The following ZNF778 variants were observed in gnomAD, a reference collection of about 807,000 sequenced individuals.
ZNF778 encodes zinc finger protein 778.
In ZNF778, 37 loss-of-function variants were observed where a neutral mutation model predicts 23.9. The ratio of observed to expected loss-of-function variants is 1.54; its 90% CI spans 1.19 to 2.03. The LOEUF (loss-of-function observed/expected upper bound fraction) is 2.03, where lower values mean the gene tolerates loss of function less well. Among genes scored for constraint, ZNF778 ranks in the 30% most tolerant of loss-of-function variants. The pLI, the probability that ZNF778 is intolerant of heterozygous loss-of-function variation, is 0.00. For synonymous variants in ZNF778, 483 were observed against 343.9 expected, an observed-to-expected ratio of 1.40 and a Z score of -4.48; for missense variants, 1,297 against 934.4, an observed-to-expected ratio of 1.39 and a Z score of -5.06.
chr16:89,226,969 C>T lies in ZNF778; in HGVS notation c.681C>T (p.Tyr227=). Residue 227 remains tyrosine (Y), a synonymous_variant, in exon 7 of 7, where the codon TAC becomes TAT. Coordinates refer to ENST00000433976, the MANE Select transcript of ZNF778 (RefSeq NM_001201407.2). The part of the protein sequence containing the change: ...QACTRDRSLD[Y]SSCGEVFLNQ... ...GCACTCGGGACAGATCTCTTGACTA[C>T]AGCAGCTGTGGGGAAGTGTTCCTTA... 14 of 1,614,042 alleles carry T rather than the reference C, an allele frequency of 8.7e-6. No individual in the cohort carries two copies. The highest frequency in any genetic ancestry group is 1.2e-5 in the Non-Finnish European group (14 of 1,179,906).
In ZNF778 at chr16:89,229,793, G is replaced by T. The variant is rs1003930609; in HGVS notation, c.*1231G>T. On this transcript the variant is annotated 3_prime_UTR_variant, in exon 7 of 7. Transcript: ENST00000433976. ...CAGATGTGATTCTGTGAGCAGTGTA[G>T]GCTCTGGTTGGTTAGTCTTAGGTAT... is the stretch of plus-strand genomic sequence containing the variant. 16 of 983,780 alleles carry T rather than the reference G, an allele frequency of 1.6e-5. No individual in the cohort carries two copies. The African/African-American group carries it at 2.7e-4, about 16-fold the overall frequency. The allele number at this position is 983,780 out of a possible 1,614,324, so 60.9% of individuals were successfully genotyped here.
intron 2 of ZNF778, among the ~76,000 whole-genome samples, chr16:89,221,512 T>C (rs1025273884): frequency 2.6e-5 from 4 of 152,260 alleles, no homozygotes; most frequent in African/African-American, 7.2e-5. Flanking sequence ...TATGGCTGTG[T>C]GTGTGTCTGT....
chr16:89,224,819 C>T lies in ZNF778; in HGVS notation c.328+17C>T, dbSNP rs533632409. ...TTCTCCAAGGTAAGTGTGAAGAGCA[C>T]GCCTGGTCGATGTCAAGTTTAGCAG... is the stretch of plus-strand genomic sequence containing the variant. On this transcript the variant is annotated intron_variant, in intron 5 of 6. Coordinates refer to ENST00000433976, the MANE Select transcript of ZNF778 (RefSeq NM_001201407.2). 8.7e-5 allele frequency: 129 copies of T among 1,490,894 alleles called. No homozygotes were observed. The highest frequency in any genetic ancestry group is 1.8e-4 in the South Asian group (15 of 83,238). 92.4% of individuals were successfully genotyped at this position (1,490,894 alleles called of 1,614,324 possible).
At position 89,234,025 on chromosome 16, in the gene ZNF778, T is replaced by C; in HGVS notation, c.*5463T>C. ...CCTTTCCTGTGAAAACCCTGTGGCC[T>C]CTGCCTCCCCTGGCTCTGACTTCTG... On this transcript the variant is annotated 3_prime_UTR_variant, in exon 7 of 7. Coordinates refer to ENST00000433976, the MANE Select transcript of ZNF778 (RefSeq NM_001201407.2). 1 of 1,050,620 alleles carries C rather than the reference T, an allele frequency of 9.5e-7. No individual in the cohort carries two copies. The highest frequency in any genetic ancestry group is 1.3e-6 in the Non-Finnish European group (1 of 770,604). 65.1% of individuals were successfully genotyped at this position (1,050,620 alleles called of 1,614,324 possible).
rs1194961002 is a variant in ZNF778 at position 89,236,009 on chromosome 16, A to G, written c.*7447A>G. On this transcript the variant is annotated 3_prime_UTR_variant, in exon 7 of 7. Transcript: ENST00000433976. ...TCGTCTCTAGTAAAAAAAAAAAAAA[A>G]AAAGAAAAATACAAAAATTTAGTTG... 1 of 150,932 alleles carries G rather than the reference A, an allele frequency of 6.6e-6. No homozygotes were observed. The highest frequency in any genetic ancestry group is 1.5e-5 in the Non-Finnish European group (1 of 67,864). The allele number at this position is 150,932 out of a possible 1,614,324, so 9.3% of individuals were successfully genotyped here. A position where few individuals can be genotyped will look rare whatever the true frequency, so the allele number is the denominator to read the frequency against.
Position 89,227,372 on chromosome 16 carries a change from C to T in ZNF778, c.1084C>T (p.Gln362Ter). Residue 362 changes from glutamine to a stop codon, truncating the protein, a stop_gained, in exon 7 of 7, where the codon CAG (glutamine) becomes TAG (stop). Transcript: ENST00000433976. LOFTEE classifies it low-confidence loss of function (END_TRUNC). ...TAAACACGTCCAAACAGACCCTGGA[C>T]AGAAGCCCTATGAATGTAAGGACTG... is the stretch of plus-strand genomic sequence containing the variant. ...LSKHVQTDPGQKPYECKDCGK... is the reference protein window; with the variant it reads ...LSKHVQTDPG 6.2e-7 allele frequency: 1 copy of T among 1,613,938 alleles called. No homozygotes were observed. Among genetic ancestry groups the T allele is most frequent in the Non-Finnish European group, 8.5e-7 (1 of 1,179,862 alleles).
rs756650033 is a variant in ZNF778, at chr16:89,223,234, C to T, written c.195C>T (p.Asp65=). The T allele has an allele frequency of 2.4e-5, 39 of 1,613,864 alleles. No individual in the cohort carries two copies. The highest frequency in any genetic ancestry group is 3.0e-5 in the Non-Finnish European group (35 of 1,179,968). ...EWTLLDPSQR[D]LYRDVMLENY... ...CTTTACTGGACCCATCTCAGAGAGA[C>T]CTCTACAGAGATGTGATGCTGGAAA... The change falls in exon 4 of 7, where the codon GAC becomes GAT. Residue 65 remains aspartate (D), a synonymous_variant. Coordinates refer to ENST00000433976, the MANE Select transcript of ZNF778 (RefSeq NM_001201407.2).
chr16:89,225,587 C>G lies in ZNF778; in HGVS notation c.361C>G (p.Arg121Gly), dbSNP rs753674754. ...ACTTAAAACCAAAGGGCCAGCACTT[C>G]GGCAGGATAGATCTTGGTTCAGAGC... ...WRLKTKGPAL[R>G]QDRSWFRASN... The change falls in exon 6 of 7, where the codon CGG (arginine) becomes GGG (glycine). Residue 121 changes from arginine (R) to glycine (G), a missense_variant. Physicochemically the swap from Arg to Gly is moderately radical, Grantham distance 125. Transcript: ENST00000433976. 1 of 1,611,372 alleles carries G rather than the reference C, an allele frequency of 6.2e-7. No homozygotes were observed. Among genetic ancestry groups the G allele is most frequent in the South Asian group, 1.1e-5 (1 of 90,994 alleles).
rs1479358121 is a variant in ZNF778, at chr16:89,228,431, C to T, written c.2143C>T (p.Leu715=). ...TGGGAAAGCATACAATAGGTTTTAT[C>T]TACTAAAAGAACATTTAAAAACTTA... is the stretch of plus-strand genomic sequence containing the variant. The part of the protein sequence containing the change: ...ECGKAYNRFY[L]LKEHLKTYTE... Residue 715 remains leucine, a synonymous_variant, in exon 7 of 7, where the codon CTA becomes TTA. Transcript: ENST00000433976. 1.5e-5 allele frequency: 25 copies of T among 1,613,910 alleles called. No homozygotes were observed. The highest frequency in any genetic ancestry group is 1.9e-5 in the Non-Finnish European group (23 of 1,179,858).
chr16:89,230,703 C>CA lies in ZNF778; in HGVS notation c.*2143dup, dbSNP rs1416170402. The CA allele has an allele frequency of 6.6e-6, 1 of 152,276 alleles. No individual in the cohort carries two copies. The highest frequency in any genetic ancestry group is 2.4e-5 in the African/African-American group (1 of 41,450). The allele number at this position is 152,276 out of a possible 1,614,324, so 9.4% of individuals were successfully genotyped here. A position where few individuals can be genotyped will look rare whatever the true frequency, so the allele number is the denominator to read the frequency against. ...ACGAATGTGTGTCCTCTGGCTGCAG[C>CA]AATCCTGGGTTATGTTTTTTGTGGC... On this transcript the variant is annotated 3_prime_UTR_variant, in exon 7 of 7. Coordinates refer to ENST00000433976, the MANE Select transcript of ZNF778 (RefSeq NM_001201407.2).
rs540968089 is a variant in ZNF778 at position 89,231,320 on chromosome 16, G to A, written c.*2758G>A. 6.6e-6 allele frequency: 1 copy of A among 152,314 alleles called. No individual in the cohort carries two copies. The highest frequency in any genetic ancestry group is 2.1e-4 in the South Asian group (1 of 4,816). 9.4% of individuals were successfully genotyped at this position (152,314 alleles called of 1,614,324 possible). On this transcript the variant is annotated 3_prime_UTR_variant, in exon 7 of 7. Coordinates refer to ENST00000433976, the MANE Select transcript of ZNF778 (RefSeq NM_001201407.2). The stretch of plus-strand genomic sequence containing the variant: ...TCACAGTTGCCTGAGTCCAGAACTT[G>A]TGGGTCACAGGTGACGCCAGGACTG...
In ZNF778 at chr16:89,228,643, G is replaced by C; in HGVS notation, c.*81G>C. On this transcript the variant is annotated 3_prime_UTR_variant, in exon 7 of 7. Coordinates refer to ENST00000433976, the MANE Select transcript of ZNF778 (RefSeq NM_001201407.2). Reference sequence around the variant, plus strand: ...GACCTCTCGTTCTCCAGATGTCCATGACTTGAGGAATGTGGCTAGGCAATC... The same window carrying C: ...GACCTCTCGTTCTCCAGATGTCCATCACTTGAGGAATGTGGCTAGGCAATC... 1 of 1,515,328 alleles carries C rather than the reference G, an allele frequency of 6.6e-7. No individual in the cohort carries two copies. Among genetic ancestry groups the C allele is most frequent in the Non-Finnish European group, 8.8e-7 (1 of 1,138,134 alleles). 93.9% of individuals were successfully genotyped at this position (1,515,328 alleles called of 1,614,324 possible).
In ZNF778 at chr16:89,233,990, C is replaced by T. The variant is rs1393015854; in HGVS notation, c.*5428C>T. On this transcript the variant is annotated 3_prime_UTR_variant, in exon 7 of 7. Transcript: ENST00000433976. ...CTAGCCAGCCCCAGACTTCATCCTG[C>T]CCTGTCCTGCCTTTCCTGTGAAAAC... 1 of 1,210,656 alleles carries T rather than the reference C, an allele frequency of 8.3e-7. No homozygotes were observed. The highest frequency in any genetic ancestry group is 1.6e-5 in the African/African-American group (1 of 64,258). 75.0% of individuals were successfully genotyped at this position (1,210,656 alleles called of 1,614,324 possible). A position where few individuals can be genotyped will look rare whatever the true frequency, so the allele number is the denominator to read the frequency against.
chr16:89,233,877 G>C lies in ZNF778; in HGVS notation c.*5315G>C. 7.8e-7 allele frequency: 1 copy of C among 1,289,730 alleles called. No individual in the cohort carries two copies. The highest frequency in any genetic ancestry group is 1.0e-6 in the Non-Finnish European group (1 of 989,076). The allele number at this position is 1,289,730 out of a possible 1,614,324, so 79.9% of individuals were successfully genotyped here. A position where few individuals can be genotyped will look rare whatever the true frequency, so the allele number is the denominator to read the frequency against. On this transcript the variant is annotated 3_prime_UTR_variant, in exon 7 of 7. Transcript: ENST00000433976. ...TTTTTCTAACTACCACACCAAGCCA[G>C]TATTTCTCCTCCCTGAAGTCAGCCC...
chr16:89,224,887 G>C, intron 5 of ZNF778, 85 bp downstream of exon 5: 1 of 1,018,606 alleles, frequency 9.8e-7, no homozygotes, highest in Non-Finnish European at 1.5e-6. Flanking sequence ...GCTATGGAAG[G>C]ATTGTGTCAA....
At chr16:89,219,195 T>A (rs1213740870) in intron 1 of ZNF778, among the ~76,000 whole-genome samples, 1 of 152,192 alleles carries the variant, frequency 6.6e-6, no homozygotes, top group Non-Finnish European at 1.5e-5. Flanking sequence ...TTTCCAACAT[T>A]GCGCTGTTGG....
intron 4 of ZNF778, among the ~76,000 whole-genome samples, chr16:89,223,555 C>G (rs9930572): frequency 0.82 from 124,980 of 152,134 alleles, 52,960 homozygotes; most frequent in Non-Finnish European, 0.92. Flanking sequence ...TGTCATCTCT[C>G]CTGTAACAAG....
Position 89,227,935 on chromosome 16 carries a change from T to G in ZNF778, c.1647T>G (p.Asn549Lys), listed in dbSNP as rs1363881694. Residue 549 changes from asparagine to lysine, a missense_variant, in exon 7 of 7, where the codon AAT becomes AAG. Coordinates refer to ENST00000433976, the MANE Select transcript of ZNF778 (RefSeq NM_001201407.2). The stretch of plus-strand genomic sequence containing the variant: ...CCTACAATAGGGTTTATCTACTGAA[T>G]GAGCATGTGAAAACTCACACAGAGG... ...GKAYNRVYLLNEHVKTHTEEK... is the reference protein window; with the variant it reads ...GKAYNRVYLLKEHVKTHTEEK... The G allele has an allele frequency of 6.2e-7, 1 of 1,613,804 alleles. No individual in the cohort carries two copies. Among genetic ancestry groups the G allele is most frequent in the African/African-American group, 1.3e-5 (1 of 74,846 alleles).
chr16:89,226,671 C>G, intron 6 of ZNF778, 23 bp from the exon 7 acceptor site: 1 of 1,589,878 alleles, frequency 6.3e-7, no homozygotes, highest in Non-Finnish European at 8.6e-7. Context: ...ACCCCCTGAC[C>G]ACCACTCATT....
Sources: gnomAD v4.1 joint callset for allele counts (sites outside exome capture counted in the v4.1 genomes callset) on GRCh38, gnomAD v4.1.1 for gene constraint, MANE v1.5 for transcripts, NCBI Gene and HGNC (gene_info 2026-07-23, HGNC 2026-07-21) for gene names.